The following NCKAP5 variants were observed in gnomAD, a reference collection of about 807,000 sequenced individuals.
NCKAP5 encodes NCK associated protein 5.
In NCKAP5, 92 loss-of-function variants were observed where a neutral mutation model predicts 167.0. That is an observed-to-expected ratio of 0.55 (90% CI 0.47 to 0.66). The LOEUF (loss-of-function observed/expected upper bound fraction) is 0.66. Ranked by LOEUF, NCKAP5 falls within the 30% of genes least tolerant of loss-of-function variation. The pLI, the probability that NCKAP5 is intolerant of heterozygous loss-of-function variation, is 0.00. For synonymous variants in NCKAP5, 891 were observed against 877.4 expected (o/e 1.02, Z -0.27); for missense variants, 2,378 against 2,315.0 (o/e 1.03, Z -0.56).
intron 3 of NCKAP5, among the ~76,000 whole-genome samples, chr2:133,510,641 C>T (rs117811359): frequency 6.6e-5 from 10 of 152,338 alleles, no homozygotes; most frequent in South Asian, 4.1e-4. Context: ...ATACAGCAGA[C>T]GTGCTAATGC....
intron 3 of NCKAP5, among the ~76,000 whole-genome samples, chr2:133,315,791 A>T (rs573669146): frequency 9.1e-4 from 138 of 152,338 alleles, no homozygotes; most frequent in Admixed American, 2.1e-3. Context: ...CGGCCCGACA[A>T]AAACAGTTTC....
chr2:132,743,956 TGTTATA>T (rs1171218520), intron 16 of NCKAP5, among the ~76,000 whole-genome samples: 1 of 151,778 alleles, frequency 6.6e-6, no homozygotes, highest in Non-Finnish European at 1.5e-5. Context: ...AGAAGAAATA[TGTTATA>T]GTTATAACAA....
At chr2:133,073,972 C>A (rs559976624) in intron 6 of NCKAP5, among the ~76,000 whole-genome samples, 69 of 152,286 alleles carry the variant, frequency 4.5e-4, no homozygotes, top group Non-Finnish European at 7.9e-4. Context: ...TGGCACTCAC[C>A]AATGAGAGCT....
chr2:133,418,733 C>T (rs546678527), intron 3 of NCKAP5, among the ~76,000 whole-genome samples: 100 of 152,286 alleles, frequency 6.6e-4, no homozygotes, highest in Non-Finnish European at 1.3e-3. Context: ...CAATTGGAAA[C>T]GTTTCTCCAT....
chr2:133,057,834 T>C (rs1232613416), intron 6 of NCKAP5, among the ~76,000 whole-genome samples: 3 of 152,242 alleles, frequency 2.0e-5, no homozygotes, highest in Non-Finnish European at 4.4e-5. Context: ...ATATAAATGC[T>C]GATAGAAGAT....
At position 132,827,865 on chromosome 2, in the gene NCKAP5, G is replaced by C. The variant is rs1000621151; in HGVS notation, c.808-31136C>G. Among the ~76,000 whole-genome samples the C allele has an allele frequency of 2.0e-5, 3 of 152,098 alleles. No individual in the cohort carries two copies. In the East Asian group the frequency reaches 5.8e-4, roughly 29 times the overall value. On this transcript the variant is annotated intron_variant, in intron 11 of 19. Transcript: ENST00000409261. ...TCAGCTGAGTTGCTGAGATTTAATGGAGCTGCCACTTGGGTTTTTCAAAGC... is the reference window on the plus strand; with the variant it reads ...TCAGCTGAGTTGCTGAGATTTAATGCAGCTGCCACTTGGGTTTTTCAAAGC...
chr2:133,243,608 G>A (rs935983498), intron 4 of NCKAP5, among the ~76,000 whole-genome samples: 4 of 152,092 alleles, frequency 2.6e-5, no homozygotes, highest in East Asian at 1.9e-4. Context: ...TTTTCAACAC[G>A]TTCAACTAAT....
At position 133,023,136 on chromosome 2, in the gene NCKAP5, G is replaced by A. The variant is rs141467082; in HGVS notation, c.342-28897C>T. On this transcript the variant is annotated intron_variant, in intron 6 of 19. Coordinates refer to ENST00000409261, the MANE Select transcript of NCKAP5 (RefSeq NM_207363.3). ...GCTTACCCATGCCTGGATCCCAGAT[G>A]CACAGAGATTGAGACAATCAATGTG... Among the ~76,000 whole-genome samples, 333 of 152,274 alleles carry A rather than the reference G, an allele frequency of 2.2e-3. 1 individual carries two copies. In the Middle Eastern group the frequency reaches 0.031, roughly 14 times the overall value.
At chr2:133,149,877 T>C (rs2083325613) in intron 5 of NCKAP5, among the ~76,000 whole-genome samples, 1 of 152,180 alleles carries the variant, frequency 6.6e-6, no homozygotes, top group Admixed American at 6.6e-5. Context: ...AACTGTTCTA[T>C]GTTAACATTC....
chr2:133,178,309 G>A (rs1358962444), intron 5 of NCKAP5, among the ~76,000 whole-genome samples: 1 of 151,284 alleles, frequency 6.6e-6, no homozygotes, highest in Non-Finnish European at 1.5e-5. Context: ...GACGACCCTG[G>A]CCAACATGGG....
chr2:132,926,041 C>T (rs762034722), intron 8 of NCKAP5: 8 of 197,198 alleles, frequency 4.1e-5, no homozygotes, highest in Non-Finnish European at 2.3e-5. Context: ...CTCTCTCACT[C>T]TCCCACCATT....
upstream of NCKAP5, among the ~76,000 whole-genome samples, chr2:133,569,908 A>ATT (rs1387694075): frequency 6.6e-6 from 1 of 152,248 alleles, no homozygotes. Context: ...AAGATTTTAC[A>ATT]AGTACAGACC....
the NCKAP5 span, among the ~76,000 whole-genome samples, chr2:133,621,422 T>A: frequency 1.3e-5 from 2 of 151,938 alleles, no homozygotes; most frequent in African/African-American, 4.8e-5. Context: ...TAAGCTCAAT[T>A]AGAAATGAAA....
chr2:133,481,129 C>T (rs1680389547), intron 3 of NCKAP5, among the ~76,000 whole-genome samples: 1 of 152,148 alleles, frequency 6.6e-6, no homozygotes, highest in African/African-American at 2.4e-5. Flanking sequence ...GTGGCTATTG[C>T]TTTGGATGGC....
At chr2:133,497,328 C>G (rs561859773) in intron 3 of NCKAP5, among the ~76,000 whole-genome samples, 1 of 152,316 alleles carries the variant, frequency 6.6e-6, no homozygotes, top group African/African-American at 2.4e-5. Context: ...GGCAGAAGCT[C>G]TGTTTTCTTA....
rs564295940 is a variant in NCKAP5 at position 133,087,248 on chromosome 2, G to A, written c.341+42730C>T. Among the ~76,000 whole-genome samples, 8 of 152,202 alleles carry A rather than the reference G, an allele frequency of 5.3e-5. No individual in the cohort carries two copies. In the South Asian group the frequency reaches 1.2e-3, roughly 24 times the overall value. ...GTAATTGAGTGAAGACCTAATGTGCGACCCCCTGGGGCATTCTATAGCTAA... is the reference window on the plus strand; with the variant it reads ...GTAATTGAGTGAAGACCTAATGTGCAACCCCCTGGGGCATTCTATAGCTAA... On this transcript the variant is annotated intron_variant, in intron 6 of 19. Transcript: ENST00000409261.
intron 2 of NCKAP5, among the ~76,000 whole-genome samples, chr2:133,541,927 C>A (rs1686257596): frequency 6.6e-6 from 1 of 152,102 alleles, no homozygotes; most frequent in Non-Finnish European, 1.5e-5. Flanking sequence ...ACAGTTTCTC[C>A]CATGAACTCC....
At chr2:133,506,460 C>A (rs1683015550) in intron 3 of NCKAP5, among the ~76,000 whole-genome samples, 1 of 152,104 alleles carries the variant, frequency 6.6e-6, no homozygotes, top group Non-Finnish European at 1.5e-5. Flanking sequence ...CTCTATGGGC[C>A]CCATTCCCTC....
rs149318565 is a variant in NCKAP5, at chr2:133,491,422, C to T, written c.69+26036G>A. Reference sequence around the variant, plus strand: ...GAGGTTAAGACCTGCCTCATGGTAACAATGTTGTGTGCAGAGAGGTCCAAC... The same window carrying T: ...GAGGTTAAGACCTGCCTCATGGTAATAATGTTGTGTGCAGAGAGGTCCAAC... On this transcript the variant is annotated intron_variant, in intron 3 of 19. Transcript: ENST00000409261. 4.3e-3 allele frequency among the ~76,000 whole-genome samples: 656 copies of T among 152,148 alleles called. 4 individuals are homozygous for T. Among genetic ancestry groups the T allele is most frequent in the Non-Finnish European group, 5.2e-3 (353 of 68,006 alleles).
Sources: allele counts gnomAD v4.1 joint callset (sites outside exome capture counted in the v4.1 genomes callset), GRCh38; gene constraint gnomAD v4.1.1; transcripts MANE v1.5; gene names NCBI Gene and HGNC (gene_info 2026-07-23, HGNC 2026-07-21).